The following DDX41 variants were observed in gnomAD, a reference collection of about 807,000 sequenced individuals.
The protein encoded by DDX41 is DEAD-box helicase 41, also known as probable ATP-dependent RNA helicase DDX41.
Under a neutral mutation model 78.8 loss-of-function variants are expected in DDX41, and 50 were observed. The ratio of observed to expected loss-of-function variants is 0.63; its 90% CI spans 0.51 to 0.80. DDX41 has a LOEUF of 0.80. DDX41 is among the 30% of genes least tolerant of loss of function. The pLI is 0.00. For synonymous variants in DDX41, 381 were observed against 321.5 expected (o/e 1.19, Z -1.98); for missense variants, 633 against 849.2 (o/e 0.75, Z 3.16).
In DDX41 at chr5:177,516,170, T is replaced by C. The variant is rs1761222381; in HGVS notation, c.322A>G (p.Lys108Glu). Residue 108 changes from lysine to glutamate, a missense_variant, in exon 4 of 17, where the codon AAG becomes GAG. By Grantham distance (56) the Lys-to-Glu change is moderately conservative. Around this residue, in one of 6 missense-constraint regions of DDX41, gnomAD observed 24 missense variants for 59.8 expected, o/e 0.40. Coordinates refer to ENST00000330503, the MANE Select transcript of DDX41 (RefSeq NM_016222.4). ...ATCTTCTCTTCTTCCTTCAGCTGCT[T>C]CTCCTTGGCAGACTCTTTGCGCGCT... ...AEARKESAKE[K>E]QLKEEEKILE... 1 of 1,613,890 alleles carries C rather than the reference T, an allele frequency of 6.2e-7. No individual in the cohort carries two copies. Among genetic ancestry groups the C allele is most frequent in the Non-Finnish European group, 8.5e-7 (1 of 1,180,024 alleles).
Position 177,516,403 on chromosome 5 carries a change from T to G in DDX41, c.183A>C (p.Glu61Asp), listed in dbSNP as rs1261080038. The change falls in exon 3 of 17, where the codon GAA (glutamate) becomes GAC (aspartate). Residue 61 changes from glutamate to aspartate, a missense_variant. This residue lies in a region of DDX41 where 140 missense variants were observed against 115.2 expected (regional missense o/e 1.22). Coordinates refer to ENST00000330503, the MANE Select transcript of DDX41 (RefSeq NM_016222.4). ...LQRRRKGAAE[E>D]EQQDSGSEPR... ...GTTCACTACCGCTGTCCTGCTGCTC[T>G]TCCTCCGCAGCTCCCTTGCGTCTTC... is the stretch of plus-strand genomic sequence containing the variant. 6.2e-7 allele frequency: 1 copy of G among 1,613,942 alleles called. No homozygotes were observed. Among genetic ancestry groups the G allele is most frequent in the Non-Finnish European group, 8.5e-7 (1 of 1,180,010 alleles).
rs774960876 is a variant in DDX41, at chr5:177,513,065, C to T, written c.1248G>A (p.Lys416=). 3.1e-6 allele frequency: 5 copies of T among 1,613,988 alleles called. No individual in the cohort carries two copies. Among genetic ancestry groups the T allele is most frequent in the East Asian group, 2.2e-5 (1 of 44,876 alleles). ...LDVIQEVEYV[K]EEAKMVYLLE... ...GCAGGTACACCATCTTGGCCTCCTC[C>T]TTCACATATTCTACCTCCTGCCACC... Residue 416 remains lysine, a synonymous_variant, in exon 12 of 17, where the codon AAG becomes AAA. Transcript: ENST00000330503. This position sits in a 1 kb window ranked among gnomAD's most constrained non-coding sequence, Gnocchi z 4.6.
In DDX41 at chr5:177,513,770, C is replaced by A. The variant is rs148384288; in HGVS notation, c.1013G>T (p.Cys338Phe). 6.2e-7 allele frequency: 1 copy of A among 1,613,790 alleles called. No homozygotes were observed. The highest frequency in any genetic ancestry group is 8.5e-7 in the Non-Finnish European group (1 of 1,180,032). ...LQKKMVSLDI[C>F]RYLALDEADR... ...AGCCTCGTCCAGGGCCAGGTAGCGA[C>A]AGATGTCTAGGCTGACCATCTTCTT... Residue 338 changes from cysteine (C) to phenylalanine (F), a missense_variant, in exon 10 of 17, where the codon TGT becomes TTT. By Grantham distance (205) the Cys-to-Phe change is radical. Coordinates refer to ENST00000330503, the MANE Select transcript of DDX41 (RefSeq NM_016222.4). The surrounding 1 kb of genome is among the most constrained non-coding windows in gnomAD (Gnocchi z 4.6).
rs767782519 is a variant in DDX41, at chr5:177,514,879, C to T, written c.798+37G>A. 6 of 1,603,968 alleles carry T rather than the reference C, an allele frequency of 3.7e-6. No individual in the cohort carries two copies. The East Asian group carries it at 1.1e-4, about 30-fold the overall frequency. ...AAAGGCTGGCACCAGATGGCAGCCC[C>T]AATCTCTGGCCTGCCCTCCAGGCCA... On this transcript the variant is annotated intron_variant, in intron 8 of 16. Transcript: ENST00000330503. The surrounding 1 kb of genome is among the most constrained non-coding windows in gnomAD (Gnocchi z 4.2).
In DDX41 at chr5:177,513,876, G is replaced by T. The variant is rs77955864; in HGVS notation, c.936-29C>A. ...GGGACCAAGGAGAGACCCTGAGGTTGGGGCCACTGGCCTATCACCTATCTA... is the reference window on the plus strand; with the variant it reads ...GGGACCAAGGAGAGACCCTGAGGTTTGGGCCACTGGCCTATCACCTATCTA... On this transcript the variant is annotated intron_variant, in intron 9 of 16. Coordinates refer to ENST00000330503, the MANE Select transcript of DDX41 (RefSeq NM_016222.4). This position sits in a 1 kb window ranked among gnomAD's most constrained non-coding sequence, Gnocchi z 4.6. 3.7e-6 allele frequency: 6 copies of T among 1,610,582 alleles called. No homozygotes were observed. In the Admixed American group the frequency reaches 1.0e-4, roughly 27 times the overall value.
rs377485422 is a variant in DDX41, at chr5:177,514,506, G to A, written c.935+195C>T. ...AGCAAGGTGGGCCATTCCATCTGCC[G>A]TGCTCCCACAGTACCTGGCCACATC... On this transcript the variant is annotated intron_variant, in intron 9 of 16. Coordinates refer to ENST00000330503, the MANE Select transcript of DDX41 (RefSeq NM_016222.4). This position sits in a 1 kb window ranked among gnomAD's most constrained non-coding sequence, Gnocchi z 4.2. 6.6e-5 allele frequency among the ~76,000 whole-genome samples: 10 copies of A among 152,194 alleles called. No homozygotes were observed. The highest frequency in any genetic ancestry group is 2.2e-4 in the African/African-American group (9 of 41,516).
At position 177,512,153 on chromosome 5, in the gene DDX41, C is replaced by G; in HGVS notation, c.1675G>C (p.Val559Leu). The G allele has an allele frequency of 6.2e-7, 1 of 1,613,610 alleles. No individual in the cohort carries two copies. The highest frequency in any genetic ancestry group is 8.5e-7 in the Non-Finnish European group (1 of 1,180,032). The change falls in exon 16 of 17, where the codon GTG becomes CTG. Residue 559 changes from valine (V) to leucine (L), a missense_variant. Transcript: ENST00000330503. ...TGCAGCACCTGCAGCACGGGCGGCACCTTCTGCTTGGCTTCTAGCAGCAGC... is the reference window on the plus strand; with the variant it reads ...TGCAGCACCTGCAGCACGGGCGGCAGCTTCTGCTTGGCTTCTAGCAGCAGC... Reference protein sequence around the residue: ...KALLLEAKQKVPPVLQVLHCG... With the variant: ...KALLLEAKQKLPPVLQVLHCG...
chr5:177,512,859 C>T lies in DDX41; in HGVS notation c.1320G>A (p.Glu440=), dbSNP rs766401102. ...GGATGGCGTCCACGTCTGCCTTCTT[C>T]TCTGCAAAGATGAGTACCTGTCCGG... is the stretch of plus-strand genomic sequence containing the variant. ...KTPPPVLIFA[E]KKADVDAIHE... The change falls in exon 13 of 17, where the codon GAG becomes GAA. Residue 440 remains glutamate, a synonymous_variant. Transcript: ENST00000330503. 1.9e-6 allele frequency: 3 copies of T among 1,613,926 alleles called. No homozygotes were observed. Among genetic ancestry groups the T allele is most frequent in the Non-Finnish European group, 2.5e-6 (3 of 1,180,032 alleles).
Position 177,513,755 on chromosome 5 carries a change from A to C in DDX41, c.1028T>G (p.Leu343Arg). 1.2e-6 allele frequency: 2 copies of C among 1,613,896 alleles called. No homozygotes were observed. The change falls in exon 10 of 17, where the codon CTG (leucine) becomes CGG (arginine). Residue 343 changes from leucine (L) to arginine (R), a missense_variant. Coordinates refer to ENST00000330503, the MANE Select transcript of DDX41 (RefSeq NM_016222.4). The surrounding 1 kb of genome is among the most constrained non-coding windows in gnomAD (Gnocchi z 4.6). ...VSLDICRYLALDEADRMIDMG... is the reference protein window; with the variant it reads ...VSLDICRYLARDEADRMIDMG... ...GTCGATCATGCGGTCAGCCTCGTCC[A>C]GGGCCAGGTAGCGACAGATGTCTAG...
At position 177,514,089 on chromosome 5, in the gene DDX41, C is replaced by T. The variant is rs74498501; in HGVS notation, c.936-242G>A. The T allele has an allele frequency of 2.3e-3, 1,504 of 665,720 alleles. 22 individuals are homozygous for T. The African/African-American group carries it at 0.024, about 11-fold the overall frequency. 41.2% of individuals were successfully genotyped at this position (665,720 alleles called of 1,614,324 possible). ...CCCCTTCTCCTGGGTCAGCCTCTCA[C>T]CCAGAAGCGCTGTCATCAAGCTCCA... On this transcript the variant is annotated intron_variant, in intron 9 of 16. Transcript: ENST00000330503. This position sits in a 1 kb window ranked among gnomAD's most constrained non-coding sequence, Gnocchi z 4.2.
chr5:177,512,309 G>T lies in DDX41; in HGVS notation c.1621+13C>A. On this transcript the variant is annotated intron_variant, in intron 15 of 16. Coordinates refer to ENST00000330503, the MANE Select transcript of DDX41 (RefSeq NM_016222.4). The stretch of plus-strand genomic sequence containing the variant: ...CCAGGGAACAGCTAAGGTGGCGCTG[G>T]TAACAGACTCACCACACGCTTTGTT... The T allele has an allele frequency of 1.2e-6, 2 of 1,614,002 alleles. No homozygotes were observed. Among genetic ancestry groups the T allele is most frequent in the East Asian group, 2.2e-5 (1 of 44,884 alleles).
Position 177,516,035 on chromosome 5 carries a change from G to A in DDX41, c.374-46C>T, listed in dbSNP as rs1761214901. 4 of 1,614,054 alleles carry A rather than the reference G, an allele frequency of 2.5e-6. No homozygotes were observed. In the South Asian group the frequency reaches 3.3e-5, roughly 13 times the overall value. ...CAGGGCTGGCTCCTGCTTCTGAGAA[G>A]CCAGATCCCTTGAGATATAACATGC... On this transcript the variant is annotated intron_variant, in intron 4 of 16. Coordinates refer to ENST00000330503, the MANE Select transcript of DDX41 (RefSeq NM_016222.4).
chr5:177,516,691 C>A (rs1476633091), intron 2 of DDX41, 34 bp downstream of exon 2: 1 of 1,554,858 alleles, frequency 6.4e-7, no homozygotes, highest in Non-Finnish European at 8.7e-7. Context: ...CCCGCGGTCA[C>A]GGCCCCATCC....
In DDX41 at chr5:177,512,511, C is replaced by T; in HGVS notation, c.1534G>A (p.Glu512Lys). ...AGGCTCTTACCATAGTTCTCAATCT[C>T]CTCTGGCATGTCATAATTGATGACG... The part of the protein sequence containing the change: ...QHVINYDMPE[E>K]IENYVHRIGR... The change falls in exon 14 of 17, where the codon GAG becomes AAG. Residue 512 changes from glutamate to lysine, a missense_variant. Transcript: ENST00000330503. 1 of 1,614,184 alleles carries T rather than the reference C, an allele frequency of 6.2e-7. No homozygotes were observed. The highest frequency in any genetic ancestry group is 8.5e-7 in the Non-Finnish European group (1 of 1,180,038).
chr5:177,513,824 GT>G lies in DDX41; in HGVS notation c.958del (p.Thr320ProfsTer16). The G allele has an allele frequency of 6.2e-7, 1 of 1,613,662 alleles. No individual in the cohort carries two copies. The highest frequency in any genetic ancestry group is 8.5e-7 in the Non-Finnish European group (1 of 1,179,990). On this transcript the variant is annotated frameshift_variant, in exon 10 of 17. Coordinates refer to ENST00000330503, the MANE Select transcript of DDX41 (RefSeq NM_016222.4). LOFTEE classifies it high-confidence loss of function. This position sits in a 1 kb window ranked among gnomAD's most constrained non-coding sequence, Gnocchi z 4.6. ...IRHGVHMMVA[T>X]PGRLMDLLQK... ...CAGCAAATCCATGAGGCGCCCCGGG[GT>G]GGCCACCATCATGTGTACACCGCTG...
rs746011550 is a variant in DDX41 at position 177,514,948 on chromosome 5, C to T, written c.766G>A (p.Glu256Lys). The change falls in exon 8 of 17, where the codon GAG becomes AAG. Residue 256 changes from glutamate (E) to lysine (K), a missense_variant. Transcript: ENST00000330503. The surrounding 1 kb of genome is among the most constrained non-coding windows in gnomAD (Gnocchi z 4.2). ...CAGATGATGAGTCCATAGGGCCCCTCGCGCTTTGAGAAGGGTAACCTCTTC... is the reference window on the plus strand; with the variant it reads ...CAGATGATGAGTCCATAGGGCCCCTTGCGCTTTGAGAAGGGTAACCTCTTC... ...QEKRLPFSKR[E>K]GPYGLIICPS... 9 of 1,612,318 alleles carry T rather than the reference C, an allele frequency of 5.6e-6. No homozygotes were observed. In the Admixed American group the frequency reaches 6.7e-5, roughly 12 times the overall value.
At chr5:177,515,654 A>G in intron 6 of DDX41, 31 bp downstream of exon 6, 1 of 1,611,470 alleles carries the variant, frequency 6.2e-7, no homozygotes, top group African/African-American at 1.3e-5. Flanking sequence ...TGATTATAAA[A>G]GTGTGGTATC....
intron 1 of DDX41, 33 bp from the exon 2 acceptor site, chr5:177,516,868 T>A: frequency 2.5e-6 from 4 of 1,613,184 alleles, no homozygotes; most frequent in South Asian, 2.2e-5. Flanking sequence ...CACGGCCTGC[T>A]CCCCTCTTCA....
rs370168970 is a variant in DDX41 at position 177,513,650 on chromosome 5, C to T, written c.1098+35G>A. On this transcript the variant is annotated intron_variant, in intron 10 of 16. Coordinates refer to ENST00000330503, the MANE Select transcript of DDX41 (RefSeq NM_016222.4). This position sits in a 1 kb window ranked among gnomAD's most constrained non-coding sequence, Gnocchi z 4.6. ...GTCTGATGTGGCGTGCAGTGGGGGG[C>T]GGTGCAGGGTGCCCTGGCCGGGCGG... 1.5e-4 allele frequency: 243 copies of T among 1,610,580 alleles called. No individual in the cohort carries two copies. The highest frequency in any genetic ancestry group is 1.9e-4 in the Non-Finnish European group (225 of 1,178,416).
Sources: gnomAD v4.1 joint callset for allele counts (sites outside exome capture counted in the v4.1 genomes callset) on GRCh38, gnomAD v4.1.1 for gene constraint, gnomAD v4.1.1 regional missense constraint, Gnocchi (gnomAD v3.1) non-coding constraint, MANE v1.5 for transcripts, NCBI Gene and HGNC (gene_info 2026-07-23, HGNC 2026-07-21) for gene names.